The following TNRC6C variants were observed in gnomAD, a reference collection of about 807,000 sequenced individuals.
TNRC6C encodes the protein trinucleotide repeat containing adaptor 6C.
In TNRC6C, 20 loss-of-function variants were observed where a neutral mutation model predicts 153.7. That is an observed-to-expected ratio of 0.13 (90% CI 0.09 to 0.19). The LOEUF (loss-of-function observed/expected upper bound fraction) is 0.19, where lower values mean the gene tolerates loss of function less well. Among genes scored for constraint, TNRC6C ranks in the 10% least tolerant of loss-of-function variants. TNRC6C has a pLI of 1.00. For synonymous variants in TNRC6C, 811 were observed against 841.4 expected (o/e 0.96, Z 0.63); for missense variants, 1,987 against 2,172.0 (o/e 0.91, Z 1.69).
chr17:78,078,919 C>T (rs1234880467), intron 9 of TNRC6C, among the ~76,000 whole-genome samples: 7 of 152,072 alleles, frequency 4.6e-5, no homozygotes, highest in African/African-American at 1.4e-4. Flanking sequence ...GGTGAAACCC[C>T]GTCTCTACTA....
chr17:78,022,169 G>A (rs1368112915), intron 1 of TNRC6C, among the ~76,000 whole-genome samples: 2 of 152,082 alleles, frequency 1.3e-5, no homozygotes, highest in Non-Finnish European at 2.9e-5. Context: ...AAATGTAAGG[G>A]GCATTCTTAC....
At chr17:78,074,242 C>T (rs572460620) in intron 7 of TNRC6C, among the ~76,000 whole-genome samples, 14 of 152,288 alleles carry the variant, frequency 9.2e-5, no homozygotes, top group African/African-American at 2.9e-4. Flanking sequence ...ACAAAAAGGA[C>T]ACTTCTTTAC....
intron 1 of TNRC6C, among the ~76,000 whole-genome samples, chr17:78,010,971 G>A (rs553994413): frequency 7.9e-5 from 12 of 152,268 alleles, no homozygotes; most frequent in Non-Finnish European, 1.2e-4. Context: ...GCTGTGCTCC[G>A]GGGGCGCCTC....
At chr17:78,096,209 A>G (rs1214038726) in intron 16 of TNRC6C, among the ~76,000 whole-genome samples, 1 of 152,036 alleles carries the variant, frequency 6.6e-6, no homozygotes, top group African/African-American at 2.4e-5. Context: ...CGGGAGCCCA[A>G]CACCGAGTTC....
At chr17:78,068,078 GC>G (rs2072918819) in intron 5 of TNRC6C, among the ~76,000 whole-genome samples, 155 bp downstream of exon 7, 1 of 152,208 alleles carries the variant, frequency 6.6e-6, no homozygotes, top group South Asian at 2.1e-4. Flanking sequence ...AGGGGAGTAA[GC>G]AAGGTCACAA....
At chr17:78,029,498 G>A (rs2072016828) in intron 1 of TNRC6C, among the ~76,000 whole-genome samples, 1 of 151,978 alleles carries the variant, frequency 6.6e-6, no homozygotes, top group Non-Finnish European at 1.5e-5. Context: ...ACCTGTATAG[G>A]GCACTTAACT....
chr17:78,012,624 T>A (rs1436037472), intron 1 of TNRC6C, among the ~76,000 whole-genome samples: 2 of 152,254 alleles, frequency 1.3e-5, no homozygotes, highest in African/African-American at 4.8e-5. Flanking sequence ...CTGCTTTATC[T>A]CAGCCAGGTG....
intron 2 of TNRC6C, among the ~76,000 whole-genome samples, chr17:78,040,868 G>T (rs1042047473): frequency 6.6e-6 from 1 of 152,190 alleles, no homozygotes; most frequent in African/African-American, 2.4e-5. Flanking sequence ...TGAGTCGGGT[G>T]CCTCCTGGAG....
At chr17:78,101,993 A>G (rs1321246135) in intron 17 of TNRC6C, among the ~76,000 whole-genome samples, 7 of 152,212 alleles carry the variant, frequency 4.6e-5, no homozygotes, top group Admixed American at 6.5e-5. Context: ...TTACAATTCA[A>G]GATGAGATTT....
At chr17:77,981,164 G>C (rs1199121320) in intron 1 of TNRC6C, among the ~76,000 whole-genome samples, 1 of 152,110 alleles carries the variant, frequency 6.6e-6, no homozygotes, top group Non-Finnish European at 1.5e-5. Flanking sequence ...AAATTTTGTA[G>C]AGGTGGGGGT....
chr17:78,057,006 G>T (rs1258782092), intron 3 of TNRC6C, among the ~76,000 whole-genome samples: 1 of 152,060 alleles, frequency 6.6e-6, no homozygotes, highest in African/African-American at 2.4e-5. Flanking sequence ...TGCAGCCTGT[G>T]CATGCGTGTG....
chr17:78,031,345 G>A (rs2072070144), intron 1 of TNRC6C, among the ~76,000 whole-genome samples, 171 bp from the exon 4 acceptor site: 1 of 152,112 alleles, frequency 6.6e-6, no homozygotes, highest in Admixed American at 6.5e-5. Flanking sequence ...TAGTTTGTGT[G>A]TAGCAAAACT....
rs185438131 is a variant in TNRC6C, at chr17:78,075,833, G to A, written c.3060+555G>A. Among the ~76,000 whole-genome samples the A allele has an allele frequency of 4.3e-4, 66 of 152,134 alleles. No homozygotes were observed. The highest frequency in any genetic ancestry group is 1.2e-3 in the African/African-American group (51 of 41,484). ...TGCCAGACTGGTGTGACTGCAAAGC[G>A]GAGAAAAGCATTGCACTAAATTCAA... On this transcript the variant is annotated intron_variant, in intron 8 of 19. Coordinates refer to ENST00000301624, the Ensembl canonical transcript of TNRC6C. The surrounding 1 kb of genome is among the most constrained non-coding windows in gnomAD (Gnocchi z 4.2).
chr17:78,010,845 G>T (rs1387192962), intron 1 of TNRC6C, among the ~76,000 whole-genome samples: 1 of 152,050 alleles, frequency 6.6e-6, no homozygotes, highest in African/African-American at 2.4e-5. Flanking sequence ...AAATATATAG[G>T]TTATTCAAAA....
At chr17:77,997,251 G>A (rs571655401) in intron 1 of TNRC6C, among the ~76,000 whole-genome samples, 2 of 152,280 alleles carry the variant, frequency 1.3e-5, no homozygotes, top group East Asian at 3.9e-4. Flanking sequence ...GCTGAAGTCT[G>A]TATTAACTCT....
At chr17:78,078,945 T>C (rs2144387701) in intron 9 of TNRC6C, among the ~76,000 whole-genome samples, 1 of 152,130 alleles carries the variant, frequency 6.6e-6, no homozygotes, top group Non-Finnish European at 1.5e-5. Flanking sequence ...ACAAAAAATT[T>C]AGCCGGGTAT....
intron 2 of TNRC6C, among the ~76,000 whole-genome samples, chr17:78,034,144 C>T (rs113008916): frequency 6.6e-6 from 1 of 152,146 alleles, no homozygotes; most frequent in East Asian, 1.9e-4. Flanking sequence ...ACCTCTGCCT[C>T]CCAGGTTCAA....
chr17:78,104,482 C>T lies in TNRC6C; in HGVS notation c.4713-3C>T. ...GTTCACGTGCCCCATCTTGCTGTTGCAGGTGCGTCCTGGGAAACACTACCA... is the reference window on the plus strand; with the variant it reads ...GTTCACGTGCCCCATCTTGCTGTTGTAGGTGCGTCCTGGGAAACACTACCA... On this transcript the variant is annotated splice_region_variant and splice_polypyrimidine_tract_variant and intron_variant, in intron 19 of 19. Transcript: ENST00000301624. The surrounding 1 kb of genome is among the most constrained non-coding windows in gnomAD (Gnocchi z 6.2). 1.3e-6 allele frequency: 2 copies of T among 1,486,576 alleles called. No homozygotes were observed. 92.1% of individuals were successfully genotyped at this position (1,486,576 alleles called of 1,614,324 possible).
Position 78,079,689 on chromosome 17 carries a change from A to C in TNRC6C, c.3357+148A>C. 1 of 1,098,978 alleles carries C rather than the reference A, an allele frequency of 9.1e-7. No individual in the cohort carries two copies. Among genetic ancestry groups the C allele is most frequent in the Non-Finnish European group, 1.3e-6 (1 of 790,402 alleles). 68.1% of individuals were successfully genotyped at this position (1,098,978 alleles called of 1,614,324 possible). On this transcript the variant is annotated intron_variant, in intron 10 of 19. Coordinates refer to ENST00000301624, the Ensembl canonical transcript of TNRC6C. This position sits in a 1 kb window ranked among gnomAD's most constrained non-coding sequence, Gnocchi z 4.3. Reference sequence around the variant, plus strand: ...AGGCCTTCTGGTTTTTAACCTATAAATTAATTTTAGACTATAAAGTAGTAA... The same window carrying C: ...AGGCCTTCTGGTTTTTAACCTATAACTTAATTTTAGACTATAAAGTAGTAA...
Sources: allele counts gnomAD v4.1 joint callset (sites outside exome capture counted in the v4.1 genomes callset), GRCh38; gene constraint gnomAD v4.1.1; non-coding constraint Gnocchi (gnomAD v3.1); transcripts MANE v1.5; gene names NCBI Gene and HGNC (gene_info 2026-07-23, HGNC 2026-07-21).